MUC20: variants seen among roughly 807,000 people sequenced by gnomAD.
MUC20 encodes the protein mucin 20, cell surface associated.
A neutral mutation model predicts 23.8 loss-of-function variants in MUC20; 14 were observed. The ratio of observed to expected loss-of-function variants is 0.59; its 90% CI spans 0.39 to 0.92. The LOEUF (loss-of-function observed/expected upper bound fraction) is 0.92, where lower values mean the gene tolerates loss of function less well. Ranked by LOEUF, MUC20 falls within the 40% of genes least tolerant of loss-of-function variation. MUC20 has a pLI of 0.00. For synonymous variants in MUC20, 166 were observed against 279.3 expected (o/e 0.59, Z 4.04); for missense variants, 375 against 668.8 (o/e 0.56, Z 4.85).
In MUC20 at chr3:195,733,206, C is replaced by A. The variant is rs1476831593; in HGVS notation, c.2118C>A (p.Val706=). 6.3e-7 allele frequency: 1 copy of A among 1,593,068 alleles called. No homozygotes were observed. Among genetic ancestry groups the A allele is most frequent in the Non-Finnish European group, 8.5e-7 (1 of 1,170,792 alleles). Residue 706 remains valine, a synonymous_variant, in exon 4 of 4, where the codon GTC becomes GTA. Coordinates refer to ENST00000447234, the MANE Select transcript of MUC20 (RefSeq NM_001282506.2). ...APHFQVSLLR[V]RRG Reference sequence around the variant, plus strand: ...ACTTCCAGGTCTCCTTACTGCGTGTCAGGAGAGGCTAACGGACATCAGCTG... The same window carrying A: ...ACTTCCAGGTCTCCTTACTGCGTGTAAGGAGAGGCTAACGGACATCAGCTG...
At position 195,733,248 on chromosome 3, in the gene MUC20, G is replaced by T; in HGVS notation, c.*30G>T. 1 of 1,568,858 alleles carries T rather than the reference G, an allele frequency of 6.4e-7. No individual in the cohort carries two copies. The highest frequency in any genetic ancestry group is 8.6e-7 in the Non-Finnish European group (1 of 1,157,764). ...CATCAGCTGCAGCCAGGCATGTCCC[G>T]TATGCCAAAAGAGGGTGCTGCCCCT... On this transcript the variant is annotated 3_prime_UTR_variant, in exon 4 of 4. Transcript: ENST00000447234.
In MUC20 at chr3:195,733,180, C is replaced by T; in HGVS notation, c.2092C>T (p.His698Tyr). Residue 698 changes from histidine to tyrosine, a missense_variant, in exon 4 of 4, where the codon CAC becomes TAC. His to Tyr is a moderately conservative substitution (Grantham distance 83, BLOSUM62 2). Coordinates refer to ENST00000447234, the MANE Select transcript of MUC20 (RefSeq NM_001282506.2). ...LHRELHAHAP[H>Y]FQVSLLRVRR... is the part of the protein sequence containing the mutation. The stretch of plus-strand genomic sequence containing the variant: ...CCGGGAACTCCACGCCCACGCGCCT[C>T]ACTTCCAGGTCTCCTTACTGCGTGT... The T allele has an allele frequency of 3.8e-6, 6 of 1,595,882 alleles. No individual in the cohort carries two copies. The highest frequency in any genetic ancestry group is 5.1e-6 in the Non-Finnish European group (6 of 1,172,162).
chr3:195,733,486 A>G lies in MUC20; in HGVS notation c.*268A>G. The G allele has an allele frequency of 2.1e-6, 3 of 1,396,260 alleles. No homozygotes were observed. Among genetic ancestry groups the G allele is most frequent in the South Asian group, 1.7e-5 (1 of 59,898 alleles). The allele number at this position is 1,396,260 out of a possible 1,614,324, so 86.5% of individuals were successfully genotyped here. On this transcript the variant is annotated 3_prime_UTR_variant, in exon 4 of 4. Coordinates refer to ENST00000447234, the MANE Select transcript of MUC20 (RefSeq NM_001282506.2). ...CTTGGCACATGTTCTGTGTTTCAGT[A>G]AAGAGAGACCTGATCACCCATCTGT...
chr3:195,732,522 G>A (rs1713504216), intron 3 of MUC20, among the ~76,000 whole-genome samples: 1 of 152,164 alleles, frequency 6.6e-6, no homozygotes, highest in Admixed American at 6.5e-5. Flanking sequence ...ACCACTCCTG[G>A]CTAATTTTTG....
intron 3 of MUC20, among the ~76,000 whole-genome samples, chr3:195,731,036 T>C (rs1713335024): frequency 6.6e-6 from 1 of 152,192 alleles, no homozygotes; most frequent in African/African-American, 2.4e-5. Flanking sequence ...AGATGGGGCA[T>C]GATGGGAAGT....
chr3:195,729,701 C>T lies in MUC20; in HGVS notation c.2023C>T (p.Leu675Phe). ...GCTGAGTGTGGCTTCCCCGGAAGAC[C>T]TCACTGACCCCAGAGTGGCAGAAAG... The part of the protein sequence containing the change: ...LRLSVASPED[L>F]TDPRVAERLM... Residue 675 changes from leucine (L) to phenylalanine (F), a missense_variant, in exon 3 of 4, where the codon CTC (leucine) becomes TTC (phenylalanine). Around this residue, in one of 4 missense-constraint regions of MUC20, gnomAD observed 343 missense variants for 340.2 expected, o/e 1.01. Transcript: ENST00000447234. The T allele has an allele frequency of 1.3e-6, 2 of 1,597,678 alleles. No individual in the cohort carries two copies. Among genetic ancestry groups the T allele is most frequent in the South Asian group, 2.3e-5 (2 of 88,224 alleles).
rs568816906 is a variant in MUC20, at chr3:195,726,365, G to C, written c.1762G>C (p.Glu588Gln). The change falls in exon 2 of 4, where the codon GAG (glutamate) becomes CAG (glutamine). Residue 588 changes from glutamate to glutamine, a missense_variant. This residue lies in a region of MUC20 where 343 missense variants were observed against 340.2 expected (regional missense o/e 1.01). Transcript: ENST00000447234. ...CGCCCTCAAGAACTTCACCCCTTCA[G>C]AGACACCGACCATGGACATCGCAAC... ...EAALKNFTPS[E>Q]TPTMDIATKG... 7.4e-6 allele frequency: 12 copies of C among 1,613,966 alleles called. No individual in the cohort carries two copies. The South Asian group carries it at 1.3e-4, about 18-fold the overall frequency.
intron 1 of MUC20, among the ~76,000 whole-genome samples, chr3:195,721,394 GTC>G (rs1474687210): frequency 1.4e-4 from 20 of 147,294 alleles, no homozygotes; most frequent in African/African-American, 4.5e-4. Context: ...CTGAGAGTTT[GTC>G]TTTATGAACG....
intron 3 of MUC20, 85 bp from the exon 4 acceptor site, chr3:195,733,064 GC>G: frequency 1.1e-5 from 15 of 1,425,570 alleles, no homozygotes; most frequent in Non-Finnish European, 1.5e-5. Context: ...CATGCACTCT[GC>G]CCCAGTGTCC....
chr3:195,730,128 G>A (rs1713225735), intron 3 of MUC20: 2 of 172,648 alleles, frequency 1.2e-5, no homozygotes, highest in Admixed American at 6.3e-5. Flanking sequence ...AAAAAGGCAA[G>A]GTCTGAGAAA....
chr3:195,729,403 G>A (rs952570569), intron 2 of MUC20: 25 of 366,166 alleles, frequency 6.8e-5, no homozygotes, highest in South Asian at 5.8e-4. Flanking sequence ...CACAACCTCC[G>A]CCTCCCAGGT....
chr3:195,728,674 C>A (rs748783678), intron 2 of MUC20, among the ~76,000 whole-genome samples: 12 of 152,028 alleles, frequency 7.9e-5, no homozygotes, highest in Non-Finnish European at 1.5e-4. Flanking sequence ...CAGCACAGAC[C>A]CTTTACGGGT....
chr3:195,729,803 G>A (rs978145684), intron 3 of MUC20, 64 bp downstream of exon 3: 565 of 1,461,264 alleles, frequency 3.9e-4, no homozygotes, highest in Non-Finnish European at 6.7e-5. Context: ...GGGCTGCAGG[G>A]AAGACCCGCA....
At position 195,733,274 on chromosome 3, in the gene MUC20, A is replaced by G; in HGVS notation, c.*56A>G. The stretch of plus-strand genomic sequence containing the variant: ...TATGCCAAAAGAGGGTGCTGCCCCT[A>G]GCCTGGGCCCCCACCGACAGACTGC... On this transcript the variant is annotated 3_prime_UTR_variant, in exon 4 of 4. Transcript: ENST00000447234. The G allele has an allele frequency of 6.4e-7, 1 of 1,556,124 alleles. No homozygotes were observed. Among genetic ancestry groups the G allele is most frequent in the Non-Finnish European group, 8.7e-7 (1 of 1,149,904 alleles).
intron 3 of MUC20, among the ~76,000 whole-genome samples, chr3:195,732,302 G>T (rs754617317): frequency 3.3e-5 from 5 of 152,080 alleles, no homozygotes; most frequent in Non-Finnish European, 5.9e-5. Context: ...GAGTCATTGC[G>T]TCCGGCTGGG....
At chr3:195,730,933 T>C (rs1713326601) in intron 3 of MUC20, among the ~76,000 whole-genome samples, 1 of 152,212 alleles carries the variant, frequency 6.6e-6, no homozygotes, top group African/African-American at 2.4e-5. Flanking sequence ...GTGTGGCTTG[T>C]TGGAGGTTAG....
At chr3:195,731,764 C>T (rs1346987821) in intron 3 of MUC20, among the ~76,000 whole-genome samples, 1 of 152,276 alleles carries the variant, frequency 6.6e-6, no homozygotes, top group Non-Finnish European at 1.5e-5. Flanking sequence ...CATGAGCCCA[C>T]AGCCAGGTGC....
intron 2 of MUC20, among the ~76,000 whole-genome samples, chr3:195,726,908 A>C (rs1280282688): frequency 1.3e-5 from 2 of 152,236 alleles, no homozygotes; most frequent in African/African-American, 4.8e-5. Flanking sequence ...TGGGCACTGA[A>C]GTCCTGTCCA....
Position 195,733,369 on chromosome 3 carries a change from C to G in MUC20, c.*151C>G. Reference sequence around the variant, plus strand: ...GGGCAGCATGTCCAAGCCCCTGACCCCAGATGTGGCAACAGGACCCTCGCT... The same window carrying G: ...GGGCAGCATGTCCAAGCCCCTGACCGCAGATGTGGCAACAGGACCCTCGCT... On this transcript the variant is annotated 3_prime_UTR_variant, in exon 4 of 4. Transcript: ENST00000447234. 2.0e-6 allele frequency: 3 copies of G among 1,475,372 alleles called. No homozygotes were observed. Among genetic ancestry groups the G allele is most frequent in the Non-Finnish European group, 2.7e-6 (3 of 1,112,396 alleles). 91.4% of individuals were successfully genotyped at this position (1,475,372 alleles called of 1,614,324 possible).
Sources: allele counts gnomAD v4.1 joint callset (sites outside exome capture counted in the v4.1 genomes callset), GRCh38; gene constraint gnomAD v4.1.1; regional missense constraint gnomAD v4.1.1; transcripts MANE v1.5; gene names NCBI Gene and HGNC (gene_info 2026-07-23, HGNC 2026-07-21).